Variants in MAPKAP1 observed in about 807,000 individuals in gnomAD.
MAPKAP1 encodes MAPK associated protein 1.
MAPKAP1 carries 20 observed loss-of-function variants against 65.7 expected under a neutral mutation model. That is an observed-to-expected ratio of 0.30 (90% CI 0.21 to 0.44). The LOEUF is 0.44. Among genes scored for constraint, MAPKAP1 ranks in the 20% least tolerant of loss-of-function variants. The probability of loss-of-function intolerance (pLI) is 1.00; values close to 1 mark genes in which losing one functional copy is unlikely to be tolerated. For missense variants in MAPKAP1, 423 were observed against 648.0 expected (o/e 0.65, Z 3.77); for synonymous variants, 222 against 244.3 (o/e 0.91, Z 0.85).
intron 8 of MAPKAP1, among the ~76,000 whole-genome samples, chr9:125,493,824 T>C (rs957244397): frequency 3.9e-5 from 6 of 152,130 alleles, no homozygotes; most frequent in Non-Finnish European, 7.4e-5. Context: ...TTTTTACAGG[T>C]GAGAAAAATG....
At chr9:125,633,099 A>G (rs1358484372) in intron 4 of MAPKAP1, among the ~76,000 whole-genome samples, 2 of 152,232 alleles carry the variant, frequency 1.3e-5, no homozygotes, top group African/African-American at 4.8e-5. Flanking sequence ...TTGTAAATGC[A>G]AGACCGCTCA....
intron 4 of MAPKAP1, among the ~76,000 whole-genome samples, chr9:125,624,066 G>A (rs1391418027): frequency 3.3e-4 from 9 of 27,540 alleles, no homozygotes; most frequent in African/African-American, 7.1e-4. Flanking sequence ...CAGCCGCCCC[G>A]TCTGGGAGGT....
chr9:125,615,537 A>G (rs4294287), intron 4 of MAPKAP1, among the ~76,000 whole-genome samples: 7 of 66,316 alleles, frequency 1.1e-4, no homozygotes, highest in Non-Finnish European at 2.4e-4. Context: ...TACTAAAAAT[A>G]CAAAAAAAAA....
chr9:125,593,334 C>T (rs944774454), intron 4 of MAPKAP1, among the ~76,000 whole-genome samples: 4 of 151,662 alleles, frequency 2.6e-5, no homozygotes, highest in African/African-American at 9.7e-5. Context: ...AACTCAGATA[C>T]CTTACTATGG....
chr9:125,551,632 C>T (rs1830587471), intron 6 of MAPKAP1, among the ~76,000 whole-genome samples: 1 of 151,832 alleles, frequency 6.6e-6, no homozygotes, highest in Non-Finnish European at 1.5e-5. Flanking sequence ...AGATTCTGAC[C>T]ATTTTATTGG....
intron 9 of MAPKAP1, chr9:125,472,038 CAG>C (rs746272907): frequency 9.2e-5 from 14 of 152,220 alleles, no homozygotes; most frequent in African/African-American, 2.9e-4. Context: ...GACGAGGAAA[CAG>C]AAACACAGTG....
chr9:125,673,600 T>G (rs1834558539), intron 1 of MAPKAP1, among the ~76,000 whole-genome samples: 1 of 152,022 alleles, frequency 6.6e-6, no homozygotes, highest in Non-Finnish European at 1.5e-5. Flanking sequence ...AACTTAATTA[T>G]AAAAACTGCT....
intron 4 of MAPKAP1, among the ~76,000 whole-genome samples, chr9:125,605,435 G>A (rs1378559662): frequency 6.6e-6 from 1 of 152,116 alleles, no homozygotes; most frequent in African/African-American, 2.4e-5. Context: ...AACTAACAGG[G>A]ATTTTTAAAA....
chr9:125,507,406 G>A (rs369448175), intron 7 of MAPKAP1, among the ~76,000 whole-genome samples: 5 of 152,206 alleles, frequency 3.3e-5, no homozygotes, highest in African/African-American at 9.6e-5. Context: ...AGAGAGCTGA[G>A]GGAAGCATCA....
intron 1 of MAPKAP1, 87 bp from the exon 2 acceptor site, chr9:125,672,730 T>A: frequency 1.2e-6 from 1 of 801,188 alleles, no homozygotes; most frequent in Non-Finnish European, 2.0e-6. Context: ...TGTAGTAAAA[T>A]GCCACCTTGA....
intron 4 of MAPKAP1, among the ~76,000 whole-genome samples, chr9:125,612,515 A>C (rs1363950003): frequency 1.3e-5 from 2 of 152,184 alleles, no homozygotes; most frequent in Non-Finnish European, 2.9e-5. Flanking sequence ...GTAGAACCAC[A>C]ATAAACTGAG....
intron 4 of MAPKAP1, among the ~76,000 whole-genome samples, chr9:125,607,826 T>C (rs1323253117): frequency 2.0e-5 from 3 of 152,202 alleles, no homozygotes; most frequent in African/African-American, 7.2e-5. Context: ...CAGCTAATTT[T>C]TGTATTTTTA....
intron 8 of MAPKAP1, among the ~76,000 whole-genome samples, chr9:125,499,059 A>T (rs1258941672): frequency 1.3e-5 from 2 of 152,224 alleles, no homozygotes; most frequent in African/African-American, 4.8e-5. Flanking sequence ...TATCAATCTT[A>T]TGAGGGCAGA....
At chr9:125,632,892 A>C (rs992919394) in intron 4 of MAPKAP1, among the ~76,000 whole-genome samples, 4 of 152,242 alleles carry the variant, frequency 2.6e-5, no homozygotes, top group African/African-American at 9.6e-5. Context: ...CAAGAATACT[A>C]TGCAAAAATT....
chr9:125,643,002 C>G (rs879413143), intron 4 of MAPKAP1, among the ~76,000 whole-genome samples: 1 of 151,610 alleles, frequency 6.6e-6, no homozygotes, highest in African/African-American at 2.4e-5. Flanking sequence ...CAGGTTCAAG[C>G]GATTCTCCTG....
chr9:125,491,003 C>T (rs980090020), intron 8 of MAPKAP1, among the ~76,000 whole-genome samples: 4 of 151,532 alleles, frequency 2.6e-5, no homozygotes, highest in African/African-American at 9.7e-5. Flanking sequence ...CTGAGGATGG[C>T]GGGGCATGCC....
At chr9:125,496,512 C>T (rs1177021982) in intron 8 of MAPKAP1, among the ~76,000 whole-genome samples, 2 of 152,142 alleles carry the variant, frequency 1.3e-5, no homozygotes, top group Non-Finnish European at 2.9e-5. Context: ...AAAGGAGGTG[C>T]TTAAGTCACA....
At chr9:125,561,640 G>T (rs1217226320) in intron 5 of MAPKAP1, among the ~76,000 whole-genome samples, 2 of 152,200 alleles carry the variant, frequency 1.3e-5, no homozygotes, top group African/African-American at 4.8e-5. Context: ...TCTGTGGTCA[G>T]AACGAGTTCA....
chr9:125,519,470 C>A (rs1829557220), intron 7 of MAPKAP1, among the ~76,000 whole-genome samples: 1 of 151,672 alleles, frequency 6.6e-6, no homozygotes, highest in South Asian at 2.1e-4. Flanking sequence ...CCCGTCTCTA[C>A]AGAAAATAAA....
Sources: allele counts gnomAD v4.1 joint callset (sites outside exome capture counted in the v4.1 genomes callset), GRCh38; gene constraint gnomAD v4.1.1; transcripts MANE v1.5; gene names NCBI Gene and HGNC (gene_info 2026-07-23, HGNC 2026-07-21).